Variants in UGGT2 observed in about 807,000 individuals in gnomAD.
UGGT2 encodes the protein UDP-glucose glycoprotein glucosyltransferase 2, also known as UDP-glucose:glycoprotein glucosyltransferase 2.
A neutral mutation model predicts 192.1 loss-of-function variants in UGGT2; 180 were observed. That is an observed-to-expected ratio of 0.94 (90% CI 0.83 to 1.06). The LOEUF is 1.06. Ranked by LOEUF, UGGT2 falls within the 50% of genes least tolerant of loss-of-function variation. The probability of loss-of-function intolerance (pLI) is 0.00; values close to 1 mark genes in which losing one functional copy is unlikely to be tolerated. For missense variants in UGGT2, 1,849 were observed against 1,795.7 expected, an observed-to-expected ratio of 1.03 and a Z score of -0.54; for synonymous variants, 580 against 591.0, an observed-to-expected ratio of 0.98 and a Z score of 0.27.
chr13:95,855,427 A>G (rs1889497470), intron 34 of UGGT2, among the ~76,000 whole-genome samples: 1 of 151,248 alleles, frequency 6.6e-6, no homozygotes, highest in Non-Finnish European at 1.5e-5. Context: ...TGCAAAAGCA[A>G]TGCAAGGAGG....
At chr13:95,980,619 G>C (rs576465330) in intron 10 of UGGT2, among the ~76,000 whole-genome samples, 3 of 152,242 alleles carry the variant, frequency 2.0e-5, no homozygotes, top group African/African-American at 4.8e-5. Flanking sequence ...ACAAACAACT[G>C]ATCAAAGTAG....
chr13:95,828,507 A>C (rs1418903106), intron 38 of UGGT2, among the ~76,000 whole-genome samples: 1 of 152,236 alleles, frequency 6.6e-6, no homozygotes, highest in African/African-American at 2.4e-5. Flanking sequence ...TCCCACAGAA[A>C]TACAAACTAC....
intron 20 of UGGT2, among the ~76,000 whole-genome samples, chr13:95,907,556 G>C (rs1224332211): frequency 6.6e-6 from 1 of 152,180 alleles, no homozygotes; most frequent in East Asian, 1.9e-4. Context: ...AGAAGGATCA[G>C]GCAGCAATAT....
At chr13:95,814,357 T>C (rs1296171591) in intron 38 of UGGT2, among the ~76,000 whole-genome samples, 3 of 152,208 alleles carry the variant, frequency 2.0e-5, no homozygotes, top group Non-Finnish European at 4.4e-5. Flanking sequence ...CCACCCTTCA[T>C]ATCAGTGTAC....
At chr13:95,846,240 C>T (rs535059267) in intron 36 of UGGT2, among the ~76,000 whole-genome samples, 10 of 152,272 alleles carry the variant, frequency 6.6e-5, no homozygotes, top group African/African-American at 9.6e-5. Context: ...CTGGCCGACA[C>T]GGCGAAACCC....
At chr13:96,047,321 T>C (rs1042605866) in intron 1 of UGGT2, among the ~76,000 whole-genome samples, 1 of 152,222 alleles carries the variant, frequency 6.6e-6, no homozygotes. Flanking sequence ...CAATATTTGC[T>C]GTTCTGCAGC....
chr13:95,880,139 T>C (rs1220180543), intron 27 of UGGT2, among the ~76,000 whole-genome samples: 1 of 152,234 alleles, frequency 6.6e-6, no homozygotes, highest in East Asian at 1.9e-4. Context: ...AATTGTACTG[T>C]TCTTCTGTGG....
At chr13:95,908,779 C>G (rs1351031276) in intron 20 of UGGT2, among the ~76,000 whole-genome samples, 2 of 132,176 alleles carry the variant, frequency 1.5e-5, no homozygotes, top group African/African-American at 5.7e-5. Context: ...CCTTTGCCCA[C>G]TTTTTGATGG....
intron 20 of UGGT2, among the ~76,000 whole-genome samples, chr13:95,911,712 A>G (rs934321330): frequency 1.3e-5 from 2 of 152,152 alleles, no homozygotes; most frequent in African/African-American, 2.4e-5. Context: ...AGAAAAAGAG[A>G]GAATCCTCCC....
At chr13:96,039,597 C>T (rs2053107879) in intron 1 of UGGT2, among the ~76,000 whole-genome samples, 1 of 152,166 alleles carries the variant, frequency 6.6e-6, no homozygotes, top group Non-Finnish European at 1.5e-5. Flanking sequence ...GGCTGAGAAC[C>T]TCCAAAATCA....
intron 15 of UGGT2, among the ~76,000 whole-genome samples, chr13:95,945,868 T>G (rs2049849290): frequency 6.6e-6 from 1 of 152,126 alleles, no homozygotes; most frequent in African/African-American, 2.4e-5. Flanking sequence ...TCTAGCTCAG[T>G]GAATTAATAA....
intron 38 of UGGT2, among the ~76,000 whole-genome samples, chr13:95,830,159 C>T (rs1886503710): frequency 6.6e-6 from 1 of 152,126 alleles, no homozygotes. Context: ...AAATGTTAGA[C>T]CTAAAACCAT....
intron 36 of UGGT2, among the ~76,000 whole-genome samples, chr13:95,840,935 C>A (rs981831645): frequency 2.6e-5 from 4 of 152,112 alleles, no homozygotes; most frequent in African/African-American, 4.8e-5. Flanking sequence ...TCATCCTCAA[C>A]AAATTAACAC....
At position 95,856,303 on chromosome 13, in the gene UGGT2, C is replaced by T. The variant is rs768738984; in HGVS notation, c.3863G>A (p.Arg1288Gln). 8.7e-6 allele frequency: 14 copies of T among 1,611,904 alleles called. No homozygotes were observed. In the Admixed American group the frequency reaches 1.3e-4, roughly 16 times the overall value. ...CCACCTATATTGAACTAGTTCATAT[C>T]GGAATCCATACTCTTTAGCCATGTG... ...IPHMAKEYGF[R>Q]YELVQYRWPR... The change falls in exon 34 of 39, where the codon CGA (arginine) becomes CAA (glutamine). Residue 1288 changes from arginine (R) to glutamine (Q), a missense_variant. By Grantham distance (43) the Arg-to-Gln change is conservative. Transcript: ENST00000376747.
At chr13:95,825,148 A>T (rs1052783031) in intron 38 of UGGT2, among the ~76,000 whole-genome samples, 7 of 152,148 alleles carry the variant, frequency 4.6e-5, no homozygotes, top group African/African-American at 1.7e-4. Context: ...GTAATGGCAG[A>T]GGTCTCTTGA....
rs1257023026 is a variant in UGGT2 at position 95,996,065 on chromosome 13, T to C, written c.828A>G (p.Leu276=). 3.7e-6 allele frequency: 6 copies of C among 1,612,852 alleles called. No individual in the cohort carries two copies. Among genetic ancestry groups the C allele is most frequent in the South Asian group, 1.1e-5 (1 of 90,956 alleles). Residue 276 remains leucine, a splice_region_variant and synonymous_variant, in exon 7 of 39, where the codon CTA becomes CTG. Transcript: ENST00000376747. ...NEVQGFLFGK[L]KEIYSDLRDN... ...ATTTCATTTCCATTCAGACTTACTT[T>C]AGTTTCCCAAAGAGAAATCCTTGAA...
At chr13:95,929,546 C>G (rs187185240) in intron 17 of UGGT2, among the ~76,000 whole-genome samples, 179 of 152,306 alleles carry the variant, frequency 1.2e-3, no homozygotes, top group Non-Finnish European at 2.2e-3. Flanking sequence ...AGAGAACATG[C>G]AGTGTTTGGT....
intron 22 of UGGT2, among the ~76,000 whole-genome samples, chr13:95,899,007 T>C (rs1203043903): frequency 1.3e-5 from 2 of 152,186 alleles, no homozygotes; most frequent in East Asian, 1.9e-4. Context: ...CTGAGAGGTG[T>C]GGCCTTTGGG....
intron 33 of UGGT2, among the ~76,000 whole-genome samples, chr13:95,858,785 G>A (rs530391935): frequency 5.9e-5 from 9 of 152,234 alleles, no homozygotes; most frequent in African/African-American, 1.9e-4. Context: ...AGCTAGTTAC[G>A]TAACTTTTGA....
Sources: allele counts gnomAD v4.1 joint callset (sites outside exome capture counted in the v4.1 genomes callset), GRCh38; gene constraint gnomAD v4.1.1; transcripts MANE v1.5; gene names NCBI Gene and HGNC (gene_info 2026-07-23, HGNC 2026-07-21).